Variants in HERC1 observed in about 807,000 individuals in gnomAD.
HERC1 encodes probable E3 ubiquitin-protein ligase HERC1.
In HERC1, 160 loss-of-function variants were observed where a neutral mutation model predicts 554.3. That is an observed-to-expected ratio of 0.29 (90% CI 0.25 to 0.33). The LOEUF (loss-of-function observed/expected upper bound fraction) is 0.33, where lower values mean the gene tolerates loss of function less well. HERC1 is among the 10% of genes least tolerant of loss of function. HERC1 has a pLI of 1.00. For synonymous variants in HERC1, 2,175 were observed against 2,131.7 expected, an observed-to-expected ratio of 1.02 and a Z score of -0.56; for missense variants, 4,919 against 5,918.5, an observed-to-expected ratio of 0.83 and a Z score of 5.54.
intron 54 of HERC1, among the ~76,000 whole-genome samples, chr15:63,649,221 CG>C (rs1555409830): frequency 6.6e-6 from 1 of 152,032 alleles, no homozygotes; most frequent in Non-Finnish European, 1.5e-5. Flanking sequence ...GGCGTGGTGG[CG>C]AGTGCCTGTA....
In HERC1 at chr15:63,718,876, C is replaced by T. The variant is rs748455969; in HGVS notation, c.3764G>A (p.Ser1255Asn). 8 of 1,610,860 alleles carry T rather than the reference C, an allele frequency of 5.0e-6. No individual in the cohort carries two copies. The highest frequency in any genetic ancestry group is 5.1e-6 in the Non-Finnish European group (6 of 1,177,708). ...VSKDWDSATLSNESLLDTVSR... is the reference protein window; with the variant it reads ...VSKDWDSATLNNESLLDTVSR... ...CACAGTGTCCAAGAGTGACTCATTA[C>T]TTAAAGTTGCACTGTCCCAATCTGA... The change falls in exon 20 of 78, where the codon AGT becomes AAT. Residue 1255 changes from serine (S) to asparagine (N), a missense_variant. Physicochemically the swap from Ser to Asn is conservative, Grantham distance 46 (BLOSUM62 1). Around this residue, in one of 11 missense-constraint regions of HERC1, gnomAD observed 1,121 missense variants for 1,244.0 expected, o/e 0.90. Transcript: ENST00000443617. This position sits in a 1 kb window ranked among gnomAD's most constrained non-coding sequence, Gnocchi z 4.2.
Position 63,674,543 on chromosome 15 carries a change from T to C in HERC1, c.7645A>G (p.Ser2549Gly), listed in dbSNP as rs749225480. The C allele has an allele frequency of 2.3e-5, 37 of 1,613,004 alleles. No individual in the cohort carries two copies. Among genetic ancestry groups the C allele is most frequent in the Non-Finnish European group, 3.0e-5 (35 of 1,179,462 alleles). The change falls in exon 38 of 78, where the codon AGT (serine) becomes GGT (glycine). Residue 2549 changes from serine to glycine, a missense_variant. By Grantham distance (56) the Ser-to-Gly change is moderately conservative (BLOSUM62 0). This residue lies in a region of HERC1 where 1,963 missense variants were observed against 2,228.6 expected (regional missense o/e 0.88). Coordinates refer to ENST00000443617, the MANE Select transcript of HERC1 (RefSeq NM_003922.4). Reference protein sequence around the residue: ...AENGHNSDCASSPVVHEDVEM... With the variant: ...AENGHNSDCAGSPVVHEDVEM... ...ACGTCTTCATGAACAACTGGAGAAC[T>C]TGCACAGTCTGAGTTGTGGCCATTT...
At chr15:63,673,755 C>G (rs1196018551) in intron 38 of HERC1, among the ~76,000 whole-genome samples, 1 of 152,200 alleles carries the variant, frequency 6.6e-6, no homozygotes, top group South Asian at 2.1e-4. Flanking sequence ...GACAGAGTCT[C>G]GCTCAGCCGC....
intron 12 of HERC1, among the ~76,000 whole-genome samples, chr15:63,743,266 T>TC (rs1555433278): frequency 2.8e-5 from 4 of 143,504 alleles, no homozygotes; most frequent in South Asian, 2.2e-4. Flanking sequence ...TCTTTTTCTT[T>TC]TTTTTTTTTT....
At position 63,670,637 on chromosome 15, in the gene HERC1, T is replaced by G. The variant is rs926865963; in HGVS notation, c.8046-939A>C. On this transcript the variant is annotated intron_variant, in intron 39 of 77. Coordinates refer to ENST00000443617, the MANE Select transcript of HERC1 (RefSeq NM_003922.4). ...GCCTATGGGAGCAAGGGGGCATGATTCTACCACTGAATCCCATGCCCACAC... is the reference window on the plus strand; with the variant it reads ...GCCTATGGGAGCAAGGGGGCATGATGCTACCACTGAATCCCATGCCCACAC... Among the ~76,000 whole-genome samples the G allele has an allele frequency of 3.9e-5, 6 of 152,258 alleles. No homozygotes were observed. In the East Asian group the frequency reaches 1.2e-3, roughly 29 times the overall value.
In HERC1 at chr15:63,756,305, C is replaced by T; in HGVS notation, c.1533+132G>A. ...CAAAGGTGTTCTGTAAACTGTAAAG[C>T]AGAGATACAAAAGATTAAGCCAAAG... On this transcript the variant is annotated intron_variant, in intron 5 of 77. Transcript: ENST00000443617. The surrounding 1 kb of genome is among the most constrained non-coding windows in gnomAD (Gnocchi z 5.0). The T allele has an allele frequency of 1.5e-6, 1 of 679,084 alleles. No individual in the cohort carries two copies. Among genetic ancestry groups the T allele is most frequent in the Non-Finnish European group, 2.6e-6 (1 of 385,942 alleles). The allele number at this position is 679,084 out of a possible 1,614,324, so 42.1% of individuals were successfully genotyped here. A position where few individuals can be genotyped will look rare whatever the true frequency, so the allele number is the denominator to read the frequency against.
rs1284855042 is a variant in HERC1, at chr15:63,756,632, T to C, written c.1338A>G (p.Leu446=). The change falls in exon 5 of 78, where the codon TTA becomes TTG. Residue 446 remains leucine, a synonymous_variant. Transcript: ENST00000443617. The surrounding 1 kb of genome is among the most constrained non-coding windows in gnomAD (Gnocchi z 5.0). ...GLGDSNNQST[L]KKLTFEPHRS... ...TGTGAGGCTCGAATGTTAACTTTTTTAAAGTTGACTGATTATTGGAGTCTC... is the reference window on the plus strand; with the variant it reads ...TGTGAGGCTCGAATGTTAACTTTTTCAAAGTTGACTGATTATTGGAGTCTC... 1 of 1,613,502 alleles carries C rather than the reference T, an allele frequency of 6.2e-7. No individual in the cohort carries two copies. Among genetic ancestry groups the C allele is most frequent in the Non-Finnish European group, 8.5e-7 (1 of 1,179,546 alleles).
In HERC1 at chr15:63,724,462, C is replaced by T. The variant is rs2073954138; in HGVS notation, c.3568+830G>A. Reference sequence around the variant, plus strand: ...CTCAACTGCTTCCCTCACTCCCACTCTCCAACCCTCCAAATCCCAAAGTAT... The same window carrying T: ...CTCAACTGCTTCCCTCACTCCCACTTTCCAACCCTCCAAATCCCAAAGTAT... On this transcript the variant is annotated intron_variant, in intron 18 of 77. Transcript: ENST00000443617. 3.3e-5 allele frequency among the ~76,000 whole-genome samples: 5 copies of T among 152,236 alleles called. No homozygotes were observed. The South Asian group carries it at 1.0e-3, about 32-fold the overall frequency.
At position 63,794,704 on chromosome 15, in the gene HERC1, G is replaced by A. The variant is rs75095705; in HGVS notation, c.-26-19055C>T. Among the ~76,000 whole-genome samples the A allele has an allele frequency of 9.2e-3, 1,405 of 152,124 alleles. 21 individuals are homozygous for A. The highest frequency in any genetic ancestry group is 0.032 in the African/African-American group (1,341 of 41,474). On this transcript the variant is annotated intron_variant, in intron 1 of 77. Transcript: ENST00000443617. ...CCCATTACAACTGGGACTCTAGCAG[G>A]AGATGCCACTCTTTCATCTTAGAAC...
rs2068755191 is a variant in HERC1, at chr15:63,635,823, A to G, written c.12414+138T>C. On this transcript the variant is annotated intron_variant, in intron 65 of 77. Coordinates refer to ENST00000443617, the MANE Select transcript of HERC1 (RefSeq NM_003922.4). ...CTGACAAGCTCAAGAATGAATCTGA[A>G]CATCCAAAACCAATGGATCTCTTAT... 3 of 926,148 alleles carry G rather than the reference A, an allele frequency of 3.2e-6. No individual in the cohort carries two copies. The South Asian group carries it at 5.0e-5, about 15-fold the overall frequency. 57.4% of individuals were successfully genotyped at this position (926,148 alleles called of 1,614,324 possible). A position where few individuals can be genotyped will look rare whatever the true frequency, so the allele number is the denominator to read the frequency against.
intron 69 of HERC1, among the ~76,000 whole-genome samples, chr15:63,629,303 C>T (rs2068444640): frequency 6.6e-6 from 1 of 152,086 alleles, no homozygotes; most frequent in Non-Finnish European, 1.5e-5. Flanking sequence ...CTCACAGCTC[C>T]GACTGCTAAA....
chr15:63,747,974 C>T (rs1256181403), intron 10 of HERC1, 116 bp from the exon 11 acceptor site: 4 of 1,013,090 alleles, frequency 3.9e-6, no homozygotes, highest in Non-Finnish European at 5.6e-6. Flanking sequence ...GCCTGTAATC[C>T]TAGCACTTTG....
chr15:63,725,437 T>C lies in HERC1; in HGVS notation c.3423A>G (p.Leu1141=), dbSNP rs760819202. ...PAQSWVWLVD[L]ERTIALLIGR... Reference sequence around the variant, plus strand: ...CAATAAGGAGAGCAATTGTTCTTTCTAGATCCACAAGCCATACCCAGGACT... The same window carrying C: ...CAATAAGGAGAGCAATTGTTCTTTCCAGATCCACAAGCCATACCCAGGACT... Residue 1141 remains leucine, a synonymous_variant, in exon 18 of 78, where the codon CTA becomes CTG. Transcript: ENST00000443617. The C allele has an allele frequency of 1.2e-6, 2 of 1,613,908 alleles. No individual in the cohort carries two copies. The highest frequency in any genetic ancestry group is 1.7e-6 in the Non-Finnish European group (2 of 1,179,834).
intron 36 of HERC1, among the ~76,000 whole-genome samples, chr15:63,679,829 G>A (rs1360664251): frequency 1.3e-5 from 2 of 152,174 alleles, no homozygotes; most frequent in Non-Finnish European, 2.9e-5. Context: ...ACTAGGTCTT[G>A]TAGTTCTTGT....
chr15:63,689,497 G>A, intron 33 of HERC1, 92 bp downstream of exon 33: 1 of 646,568 alleles, frequency 1.5e-6, no homozygotes, highest in Non-Finnish European at 2.7e-6. Flanking sequence ...AAATGATAGA[G>A]CAAGGTGCCT....
chr15:63,811,771 T>C (rs1306107304), intron 1 of HERC1, among the ~76,000 whole-genome samples: 1 of 140,030 alleles, frequency 7.1e-6, no homozygotes, highest in Non-Finnish European at 1.5e-5. Context: ...ATCGCGCCAC[T>C]GTACTCCAGC....
intron 70 of HERC1, 127 bp downstream of exon 70, chr15:63,628,550 T>G: frequency 1.0e-6 from 1 of 979,824 alleles, no homozygotes; most frequent in Non-Finnish European, 1.5e-6. Flanking sequence ...AAAGAATGCT[T>G]TGTGTGGCAG....
chr15:63,777,595 T>C (rs975200812), intron 1 of HERC1, among the ~76,000 whole-genome samples: 7 of 152,256 alleles, frequency 4.6e-5, no homozygotes, highest in Non-Finnish European at 7.3e-5. Flanking sequence ...CATTCTCCTA[T>C]TTTGTTATCT....
At chr15:63,626,787 T>G (rs962523924) in intron 70 of HERC1, among the ~76,000 whole-genome samples, 3 of 152,238 alleles carry the variant, frequency 2.0e-5, no homozygotes, top group Non-Finnish European at 4.4e-5. Flanking sequence ...AAATAAAGAC[T>G]GGTACAGTGC....
Sources: allele counts gnomAD v4.1 joint callset (sites outside exome capture counted in the v4.1 genomes callset), GRCh38; gene constraint gnomAD v4.1.1; regional missense constraint gnomAD v4.1.1; non-coding constraint Gnocchi (gnomAD v3.1); transcripts MANE v1.5; gene names NCBI Gene and HGNC (gene_info 2026-07-23, HGNC 2026-07-21).